Variants in LRRC4C observed in about 807,000 individuals in gnomAD.
LRRC4C encodes leucine rich repeat containing 4C.
In LRRC4C, 5 loss-of-function variants were observed where a neutral mutation model predicts 33.6. That is an observed-to-expected ratio of 0.15 (90% CI 0.08 to 0.31). The LOEUF (loss-of-function observed/expected upper bound fraction) is 0.31, where lower values mean the gene tolerates loss of function less well. Ranked by LOEUF, LRRC4C falls within the 10% of genes least tolerant of loss-of-function variation. The pLI is 1.00. For missense variants in LRRC4C, 560 were observed against 796.7 expected, an observed-to-expected ratio of 0.70 and a Z score of 3.58; for synonymous variants, 329 against 302.0, an observed-to-expected ratio of 1.09 and a Z score of -0.93.
intron 3 of LRRC4C, among the ~76,000 whole-genome samples, chr11:40,411,295 G>A (rs548037688): frequency 4.6e-5 from 7 of 152,166 alleles, no homozygotes; most frequent in African/African-American, 1.4e-4. Flanking sequence ...TTGTTGACTT[G>A]TAGTCACAGA....
intron 2 of LRRC4C, among the ~76,000 whole-genome samples, chr11:40,780,203 A>C (rs149858510): frequency 6.6e-6 from 1 of 152,172 alleles, no homozygotes; most frequent in African/African-American, 2.4e-5. Flanking sequence ...CTGCATAAAA[A>C]AATTCTTTTT....
intron 2 of LRRC4C, among the ~76,000 whole-genome samples, chr11:40,778,119 T>C (rs2137245367): frequency 6.6e-6 from 1 of 152,338 alleles, no homozygotes; most frequent in African/African-American, 2.4e-5. Flanking sequence ...CTAGCTGCTT[T>C]GTAGTTTCTG....
intron 2 of LRRC4C, among the ~76,000 whole-genome samples, chr11:40,674,185 G>A (rs1944273762): frequency 6.6e-6 from 1 of 152,118 alleles, no homozygotes. Context: ...TTTGCCTATA[G>A]GATTCGACTT....
intron 1 of LRRC4C, among the ~76,000 whole-genome samples, chr11:41,127,874 A>G (rs1942822490): frequency 6.6e-6 from 1 of 152,100 alleles, no homozygotes. Flanking sequence ...ATAATCCTTT[A>G]TCTTTAACCT....
At chr11:41,024,321 T>C (rs1856192478) in intron 1 of LRRC4C, among the ~76,000 whole-genome samples, 1 of 151,770 alleles carries the variant, frequency 6.6e-6, no homozygotes, top group African/African-American at 2.4e-5. Flanking sequence ...ATTTCAGGAC[T>C]GATAAAAGCA....
intron 3 of LRRC4C, among the ~76,000 whole-genome samples, chr11:40,557,818 A>G (rs1334981110): frequency 6.6e-6 from 1 of 152,176 alleles, no homozygotes; most frequent in African/African-American, 2.4e-5. Flanking sequence ...TGAGCCTTCA[A>G]TGCTGCTATT....
intron 5 of LRRC4C, among the ~76,000 whole-genome samples, chr11:40,240,147 A>G (rs1017416723): frequency 2.0e-5 from 3 of 152,158 alleles, no homozygotes; most frequent in East Asian, 3.9e-4. Context: ...AAAAAAAACT[A>G]TTTGCTTTTC....
At chr11:40,265,517 A>G (rs117500367) in intron 4 of LRRC4C, among the ~76,000 whole-genome samples, 6,499 of 152,306 alleles carry the variant, frequency 0.043, 197 homozygotes, top group Non-Finnish European at 0.058. Context: ...CAAATTAAAC[A>G]CCACACTTCA....
chr11:40,250,990 A>G (rs1416709782), intron 4 of LRRC4C, among the ~76,000 whole-genome samples: 1 of 152,144 alleles, frequency 6.6e-6, no homozygotes, highest in African/African-American at 2.4e-5. Context: ...ATGAGATAGA[A>G]TTGTCTTTTC....
chr11:40,589,267 A>G (rs1958918597), intron 3 of LRRC4C, among the ~76,000 whole-genome samples: 1 of 152,006 alleles, frequency 6.6e-6, no homozygotes, highest in South Asian at 2.1e-4. Flanking sequence ...TTGTTGGTTT[A>G]AAGTCTGTTT....
At chr11:40,804,076 T>C (rs552190030) in intron 2 of LRRC4C, among the ~76,000 whole-genome samples, 1 of 152,296 alleles carries the variant, frequency 6.6e-6, no homozygotes, top group South Asian at 2.1e-4. Context: ...TATAAATGGT[T>C]TTCTATTTTT....
chr11:40,568,357 A>G (rs1957847407), intron 3 of LRRC4C, among the ~76,000 whole-genome samples: 1 of 152,216 alleles, frequency 6.6e-6, no homozygotes, highest in Non-Finnish European at 1.5e-5. Flanking sequence ...CAGCCTCCAG[A>G]GGACTGCAGC....
intron 3 of LRRC4C, among the ~76,000 whole-genome samples, chr11:40,393,939 GA>G (rs1405274972): frequency 5.3e-5 from 8 of 151,696 alleles, no homozygotes; most frequent in South Asian, 4.2e-4. Context: ...TGACTCTTAA[GA>G]GAAAAAAAAT....
At chr11:41,051,232 T>C (rs1203892286) in intron 1 of LRRC4C, among the ~76,000 whole-genome samples, 1 of 152,174 alleles carries the variant, frequency 6.6e-6, no homozygotes, top group Non-Finnish European at 1.5e-5. Context: ...TAAATGTTGG[T>C]GGCTTTACTG....
intron 4 of LRRC4C, among the ~76,000 whole-genome samples, chr11:40,256,761 A>G (rs528297061): frequency 6.6e-6 from 1 of 152,298 alleles, no homozygotes; most frequent in South Asian, 2.1e-4. Context: ...TTATCTTTAC[A>G]GCCAGAATCT....
chr11:41,227,136 C>A (rs11036299), intron 1 of LRRC4C, among the ~76,000 whole-genome samples: 2 of 152,130 alleles, frequency 1.3e-5, no homozygotes, highest in South Asian at 4.2e-4. Flanking sequence ...AAAAATGTTT[C>A]TCTCTTTTGG....
At chr11:40,301,490 A>C (rs2136668140) in intron 4 of LRRC4C, among the ~76,000 whole-genome samples, 1 of 152,338 alleles carries the variant, frequency 6.6e-6, no homozygotes, top group South Asian at 2.1e-4. Flanking sequence ...AGACAGCTGC[A>C]TTTTATACAG....
At chr11:40,232,748 T>C (rs1397744655) in intron 5 of LRRC4C, among the ~76,000 whole-genome samples, 1 of 152,130 alleles carries the variant, frequency 6.6e-6, no homozygotes, top group Non-Finnish European at 1.5e-5. Flanking sequence ...CCTCCTCTCA[T>C]GGGAGATTTT....
chr11:41,224,006 G>GT (rs1032365772), intron 1 of LRRC4C, among the ~76,000 whole-genome samples: 1 of 152,128 alleles, frequency 6.6e-6, no homozygotes, highest in African/African-American at 2.4e-5. Context: ...ATTATACTCT[G>GT]TTTCCTATCA....
Sources: allele counts gnomAD v4.1 joint callset (sites outside exome capture counted in the v4.1 genomes callset), GRCh38; gene constraint gnomAD v4.1.1; transcripts MANE v1.5; gene names NCBI Gene and HGNC (gene_info 2026-07-23, HGNC 2026-07-21).